OSBPL1A: variants seen among roughly 807,000 people sequenced by gnomAD.
OSBPL1A encodes oxysterol binding protein like 1A.
OSBPL1A carries 80 observed loss-of-function variants against 137.1 expected under a neutral mutation model. The observed-to-expected ratio is 0.58, with a 90% CI of 0.49 to 0.70. The LOEUF (loss-of-function observed/expected upper bound fraction) is 0.70, where lower values mean the gene tolerates loss of function less well. Ranked by LOEUF, OSBPL1A falls within the 30% of genes least tolerant of loss-of-function variation. The pLI, the probability that OSBPL1A is intolerant of heterozygous loss-of-function variation, is 0.00. For synonymous variants in OSBPL1A, 365 were observed against 389.7 expected (o/e 0.94, Z 0.75); for missense variants, 970 against 1,129.4 (o/e 0.86, Z 2.02).
intron 17 of OSBPL1A, among the ~76,000 whole-genome samples, chr18:24,199,875 C>A (rs930343266): frequency 2.6e-5 from 4 of 152,096 alleles, no homozygotes; most frequent in African/African-American, 9.7e-5. Flanking sequence ...AAACATCATG[C>A]CAGGAACAAG....
At chr18:24,246,554 G>GC (rs1255496621) in intron 15 of OSBPL1A, among the ~76,000 whole-genome samples, 1 of 152,068 alleles carries the variant, frequency 6.6e-6, no homozygotes, top group Non-Finnish European at 1.5e-5. Context: ...ACTTTAGCAG[G>GC]CAGAGGTGGG....
chr18:24,213,263 TTTTAAG>T (rs1022351491), intron 17 of OSBPL1A, among the ~76,000 whole-genome samples: 36 of 152,320 alleles, frequency 2.4e-4, no homozygotes, highest in African/African-American at 7.7e-4. Context: ...TGGTTTCCTA[TTTTAAG>T]TTTAATAATT....
At chr18:24,293,484 T>C (rs1168453496) in intron 14 of OSBPL1A, among the ~76,000 whole-genome samples, 1 of 152,168 alleles carries the variant, frequency 6.6e-6, no homozygotes, top group Non-Finnish European at 1.5e-5. Context: ...GCCCCAGGGC[T>C]GAGGCTGCAG....
chr18:24,317,363 A>G lies in OSBPL1A; in HGVS notation c.770T>C (p.Val257Ala). ...CCATGAAAGGACTCCATGCTCTAAC[A>G]CTACCCAGAATAATCTCCAGCCAAA... The part of the protein sequence containing the change: ...RFFGWRLFWV[V>A]LEHGVLSWYR... Residue 257 changes from valine to alanine, a missense_variant, in exon 10 of 28, where the codon GTG (valine) becomes GCG (alanine). Transcript: ENST00000319481. The G allele has an allele frequency of 6.2e-7, 1 of 1,613,878 alleles. No individual in the cohort carries two copies. Among genetic ancestry groups the G allele is most frequent in the South Asian group, 1.1e-5 (1 of 91,072 alleles).
At chr18:24,362,281 A>G (rs2091635576) in intron 4 of OSBPL1A, among the ~76,000 whole-genome samples, 1 of 152,190 alleles carries the variant, frequency 6.6e-6, no homozygotes, top group African/African-American at 2.4e-5. Context: ...AGTCAGGCAA[A>G]TCGAGCCATC....
chr18:24,271,879 G>A lies in OSBPL1A; in HGVS notation c.1281+8963C>T. Reference sequence around the variant, plus strand: ...GAGGCGTTGCCCGCCAGCGGCCCAGGACTCCCGCGCCGCGCCCGCCCGGGC... The same window carrying A: ...GAGGCGTTGCCCGCCAGCGGCCCAGAACTCCCGCGCCGCGCCCGCCCGGGC... On this transcript the variant is annotated intron_variant, in intron 15 of 27. Transcript: ENST00000319481. This position sits in a 1 kb window ranked among gnomAD's most constrained non-coding sequence, Gnocchi z 4.0. 2.0e-6 allele frequency: 2 copies of A among 984,936 alleles called. No individual in the cohort carries two copies. Among genetic ancestry groups the A allele is most frequent in the African/African-American group, 3.5e-5 (2 of 57,274 alleles). The allele number at this position is 984,936 out of a possible 1,614,324, so 61.0% of individuals were successfully genotyped here. A position where few individuals can be genotyped will look rare whatever the true frequency, so the allele number is the denominator to read the frequency against.
chr18:24,175,124 A>ACG (rs1258772976), intron 21 of OSBPL1A, among the ~76,000 whole-genome samples: 2 of 131,394 alleles, frequency 1.5e-5, no homozygotes, highest in African/African-American at 6.6e-5. Context: ...ATATATATAT[A>ACG]TATATATATA....
At chr18:24,274,979 G>A (rs1283975797) in intron 15 of OSBPL1A, among the ~76,000 whole-genome samples, 2 of 151,930 alleles carry the variant, frequency 1.3e-5, no homozygotes, top group East Asian at 3.9e-4. Context: ...AAAAGAGGCG[G>A]CACTGTGGAA....
At chr18:24,268,389 C>T (rs275877) in intron 15 of OSBPL1A, among the ~76,000 whole-genome samples, 264 of 152,030 alleles carry the variant, frequency 1.7e-3, no homozygotes, top group African/African-American at 5.2e-3. Flanking sequence ...CAAAATGCTG[C>T]GATTACAGGT....
At chr18:24,344,706 G>T (rs1240919863) in intron 4 of OSBPL1A, among the ~76,000 whole-genome samples, 1 of 152,162 alleles carries the variant, frequency 6.6e-6, no homozygotes, top group East Asian at 1.9e-4. Flanking sequence ...AGCAACAGGT[G>T]AAAGTGCCGA....
intron 17 of OSBPL1A, among the ~76,000 whole-genome samples, chr18:24,209,173 T>C (rs1295640828): frequency 6.6e-6 from 1 of 152,206 alleles, no homozygotes; most frequent in Non-Finnish European, 1.5e-5. Context: ...AAAATACTCA[T>C]GATACGTGTA....
At chr18:24,180,087 C>A (rs918002618) in intron 19 of OSBPL1A, among the ~76,000 whole-genome samples, 2 of 152,174 alleles carry the variant, frequency 1.3e-5, no homozygotes, top group South Asian at 2.1e-4. Context: ...GCTACAAATT[C>A]TCTCAAGGAC....
At chr18:24,307,654 G>A (rs1173381848) in intron 13 of OSBPL1A, among the ~76,000 whole-genome samples, 2 of 152,078 alleles carry the variant, frequency 1.3e-5, no homozygotes, top group Non-Finnish European at 2.9e-5. Flanking sequence ...TCACTTAACT[G>A]TATATCTTAA....
intron 17 of OSBPL1A, among the ~76,000 whole-genome samples, chr18:24,222,424 G>A (rs1331449312): frequency 6.6e-6 from 1 of 151,952 alleles, no homozygotes. Context: ...TAATAAGTTG[G>A]GTAATATTGC....
At chr18:24,298,178 GT>G (rs958184446) in intron 14 of OSBPL1A, among the ~76,000 whole-genome samples, 2 of 152,186 alleles carry the variant, frequency 1.3e-5, no homozygotes, top group African/African-American at 4.8e-5. Flanking sequence ...ACATTAGGAA[GT>G]TACCCTATAT....
At chr18:24,342,560 T>C (rs1322799412) in intron 4 of OSBPL1A, among the ~76,000 whole-genome samples, 1 of 152,212 alleles carries the variant, frequency 6.6e-6, no homozygotes, top group Non-Finnish European at 1.5e-5. Context: ...CACGTTATGC[T>C]GTCCTAGGAA....
chr18:24,390,051 A>G (rs1054881135), intron 1 of OSBPL1A, among the ~76,000 whole-genome samples: 6 of 152,250 alleles, frequency 3.9e-5, no homozygotes, highest in Non-Finnish European at 5.9e-5. Context: ...TGAGTGCCAG[A>G]AACTGAAAAT....
chr18:24,262,353 C>G (rs887774861), intron 15 of OSBPL1A, among the ~76,000 whole-genome samples: 5 of 151,992 alleles, frequency 3.3e-5, no homozygotes, highest in African/African-American at 1.2e-4. Flanking sequence ...TAATCACTAG[C>G]CACAGATTTG....
intron 7 of OSBPL1A, among the ~76,000 whole-genome samples, chr18:24,323,987 G>T (rs2090919569): frequency 1.5e-5 from 1 of 65,152 alleles, no homozygotes; most frequent in Non-Finnish European, 3.0e-5. Flanking sequence ...CTTTGCTATT[G>T]TGAATAGTGC....
Sources: allele counts gnomAD v4.1 joint callset (sites outside exome capture counted in the v4.1 genomes callset), GRCh38; gene constraint gnomAD v4.1.1; non-coding constraint Gnocchi (gnomAD v3.1); transcripts MANE v1.5; gene names NCBI Gene and HGNC (gene_info 2026-07-23, HGNC 2026-07-21).